Variants in NUB1 observed in about 807,000 individuals in gnomAD.
NUB1 encodes negative regulator of ubiquitin like proteins 1, also known as NEDD8 ultimate buster 1.
A neutral mutation model predicts 77.1 loss-of-function variants in NUB1; 41 were observed. The ratio of observed to expected loss-of-function variants is 0.53; its 90% CI spans 0.41 to 0.69. The LOEUF (loss-of-function observed/expected upper bound fraction) is 0.69, where lower values mean the gene tolerates loss of function less well. Among genes scored for constraint, NUB1 ranks in the 30% least tolerant of loss-of-function variants. The pLI is 0.00. For synonymous variants in NUB1, 257 were observed against 281.0 expected (o/e 0.91, Z 0.85); for missense variants, 643 against 743.8 (o/e 0.86, Z 1.58).
At chr7:151,369,002 G>A (rs1797836065) in intron 11 of NUB1, 115 bp downstream of exon 11, 3 of 1,164,770 alleles carry the variant, frequency 2.6e-6, no homozygotes, top group Non-Finnish European at 2.3e-6. Flanking sequence ...GAAGGAAGGA[G>A]AAACTTGTCC....
At chr7:151,353,899 T>A (rs1433773532) in intron 5 of NUB1, among the ~76,000 whole-genome samples, 1 of 152,222 alleles carries the variant, frequency 6.6e-6, no homozygotes, top group Non-Finnish European at 1.5e-5. Flanking sequence ...CTATTTTAGA[T>A]GTCATGGATA....
At chr7:151,376,577 G>T in intron 13 of NUB1, 57 bp from the exon 14 acceptor site, 2 of 1,496,070 alleles carry the variant, frequency 1.3e-6, no homozygotes, top group Non-Finnish European at 1.8e-6. Flanking sequence ...TATGGCTGAC[G>T]GGGGTGGCAG....
rs561127147 is a variant in NUB1 at position 151,344,180 on chromosome 7, C to CAAAAA, written c.-2-1139_-2-1135dup. Among the ~76,000 whole-genome samples the CAAAAA allele has an allele frequency of 2.6e-3, 118 of 45,632 alleles. 4 individuals are homozygous for CAAAAA. The highest frequency in any genetic ancestry group is 3.5e-3 in the Non-Finnish European group (63 of 17,810). 29.9% of individuals were successfully genotyped at this position (45,632 alleles called of 152,430 possible). A position where few individuals can be genotyped will look rare whatever the true frequency, so the allele number is the denominator to read the frequency against. On this transcript the variant is annotated intron_variant, in intron 1 of 14. Coordinates refer to ENST00000568733, the MANE Select transcript of NUB1 (RefSeq NM_001243351.2). ...TGGGCGACAGAGTGAGACTCCCTCT[C>CAAAAA]AAAAAAAAAAAAAAAAAAAAAAAAA...
intron 8 of NUB1, among the ~76,000 whole-genome samples, chr7:151,364,384 G>A (rs1216764923): frequency 6.7e-6 from 1 of 148,502 alleles, no homozygotes; most frequent in Non-Finnish European, 1.5e-5. Context: ...TTGCACCACT[G>A]CACTCCAGCC....
intron 3 of NUB1, among the ~76,000 whole-genome samples, chr7:151,349,598 G>T (rs192663759): frequency 1.3e-5 from 2 of 152,340 alleles, no homozygotes; most frequent in East Asian, 3.9e-4. Flanking sequence ...TCCTGTTCCA[G>T]TAGAGGTCAG....
At chr7:151,351,916 A>AACACACACAC (rs1204427761) in intron 4 of NUB1, among the ~76,000 whole-genome samples, 2,263 of 151,084 alleles carry the variant, frequency 0.015, 47 homozygotes, top group African/African-American at 0.052. Context: ...CCATCTGTAA[A>AACACACACAC]ACACACACAC....
chr7:151,344,037 C>T (rs1210055893), intron 1 of NUB1, among the ~76,000 whole-genome samples: 5 of 150,888 alleles, frequency 3.3e-5, no homozygotes, highest in East Asian at 4.0e-4. Context: ...AAAAATCAGC[C>T]GGGCGTGGTG....
intron 4 of NUB1, chr7:151,351,942 C>T (rs1290956912): frequency 1.1e-5 from 4 of 378,066 alleles, no homozygotes; most frequent in African/African-American, 6.3e-5. Context: ...CACACGTTTG[C>T]CACATACTAG....
rs188078005 is a variant in NUB1 at position 151,344,631 on chromosome 7, T to A, written c.-2-717T>A. Reference sequence around the variant, plus strand: ...CACACCCATCCGAAAATATTTATTATCGATAGTTTACAGTTCAAGCAAGCT... The same window carrying A: ...CACACCCATCCGAAAATATTTATTAACGATAGTTTACAGTTCAAGCAAGCT... On this transcript the variant is annotated intron_variant, in intron 1 of 14. Coordinates refer to ENST00000568733, the MANE Select transcript of NUB1 (RefSeq NM_001243351.2). 1.8e-3 allele frequency among the ~76,000 whole-genome samples: 274 copies of A among 152,092 alleles called. 1 individual carries two copies. The highest frequency in any genetic ancestry group is 0.01 in the Middle Eastern group (3 of 294).
At chr7:151,362,244 T>A (rs1797411545) in intron 8 of NUB1, among the ~76,000 whole-genome samples, 1 of 152,212 alleles carries the variant, frequency 6.6e-6, no homozygotes, top group South Asian at 2.1e-4. Context: ...GAGAAAGTTT[T>A]TTTTTTCCTG....
intron 7 of NUB1, among the ~76,000 whole-genome samples, chr7:151,357,183 ATTTTTTTTTTT>A (rs59119243): frequency 7.4e-6 from 1 of 134,430 alleles, no homozygotes; most frequent in Non-Finnish European, 1.6e-5. Context: ...TGTCCAGCTA[ATTTTTTTTTTT>A]TTTTTTTTTG....
rs778095295 is a variant in NUB1 at position 151,367,866 on chromosome 7, T to C, written c.993T>C (p.Asn331=). The change falls in exon 10 of 15, where the codon AAT becomes AAC. Residue 331 remains asparagine, a synonymous_variant. Transcript: ENST00000568733. ...TTTTTCTTCAATAATTTTAGGGAAA[T>C]TGTGGGAAAGAGAAGGTACTGTTTC... ...NHQRLVHIKG[N]CGKEKVLFLR... The C allele has an allele frequency of 6.3e-7, 1 of 1,576,566 alleles. No individual in the cohort carries two copies. Among genetic ancestry groups the C allele is most frequent in the Admixed American group, 1.8e-5 (1 of 54,532 alleles).
At chr7:151,344,828 C>T (rs1413138058) in intron 1 of NUB1, among the ~76,000 whole-genome samples, 3 of 152,028 alleles carry the variant, frequency 2.0e-5, no homozygotes, top group South Asian at 2.1e-4. Flanking sequence ...GGCGAAACCC[C>T]GTCTCTACTA....
chr7:151,355,654 C>T, intron 5 of NUB1, 114 bp from the exon 6 acceptor site: 1 of 1,046,570 alleles, frequency 9.6e-7, no homozygotes, highest in Non-Finnish European at 1.4e-6. Flanking sequence ...GCCTGGGTGA[C>T]AGAGTGAGAC....
chr7:151,375,877 G>T lies in NUB1; in HGVS notation c.1425G>T (p.Trp475Cys). The change falls in exon 13 of 15, where the codon TGG becomes TGT. Residue 475 changes from tryptophan to cysteine, a missense_variant. Trp to Cys is a radical substitution (Grantham distance 215, BLOSUM62 -2). Coordinates refer to ENST00000568733, the MANE Select transcript of NUB1 (RefSeq NM_001243351.2). ...TGCTCAGCAATCCTCAGATGTGGTGGTTAAATGATTCCAATCCTGAAACCG... is the reference window on the plus strand; with the variant it reads ...TGCTCAGCAATCCTCAGATGTGGTGTTTAAATGATTCCAATCCTGAAACCG... ...KILLSNPQMWWLNDSNPETDN... is the reference protein window; with the variant it reads ...KILLSNPQMWCLNDSNPETDN... 6.2e-7 allele frequency: 1 copy of T among 1,612,992 alleles called. No homozygotes were observed. The highest frequency in any genetic ancestry group is 1.1e-5 in the South Asian group (1 of 91,072).
At chr7:151,355,672 CAAAAAT>C (rs1363626856) in intron 5 of NUB1, 90 bp from the exon 6 acceptor site, 97 of 1,273,258 alleles carry the variant, frequency 7.6e-5, no homozygotes, top group Non-Finnish European at 9.9e-5. Flanking sequence ...GACCTTGTCT[CAAAAAT>C]AAAAACAATT....
rs1252273109 is a variant in NUB1 at position 151,367,948 on chromosome 7, G to T, written c.1075G>T (p.Ala359Ser). 1.3e-6 allele frequency: 2 copies of T among 1,583,266 alleles called. No homozygotes were observed. Among genetic ancestry groups the T allele is most frequent in the Non-Finnish European group, 1.7e-6 (2 of 1,162,096 alleles). ...RNYHSGNDVE[A>S]YEYLNKARQL... ...CTATCACAGTGGAAATGATGTAGAG[G>T]CTTATGAGTATCTTAACAAGGTAAG... Residue 359 changes from alanine to serine, a missense_variant, in exon 10 of 15, where the codon GCT becomes TCT. Transcript: ENST00000568733.
intron 13 of NUB1, 70 bp from the exon 14 acceptor site, chr7:151,376,564 T>G (rs1798269644): frequency 7.0e-7 from 1 of 1,432,518 alleles, no homozygotes; most frequent in African/African-American, 1.4e-5. Context: ...GGCTGTCCAC[T>G]CGTATGGCTG....
At chr7:151,363,545 G>A (rs564648517) in intron 8 of NUB1, among the ~76,000 whole-genome samples, 1 of 151,630 alleles carries the variant, frequency 6.6e-6, no homozygotes, top group East Asian at 1.9e-4. Flanking sequence ...TGGAAAGGCA[G>A]ACATGTGGGA....
Sources: gnomAD v4.1 joint callset for allele counts (sites outside exome capture counted in the v4.1 genomes callset) on GRCh38, gnomAD v4.1.1 for gene constraint, MANE v1.5 for transcripts, NCBI Gene and HGNC (gene_info 2026-07-23, HGNC 2026-07-21) for gene names.